MYT1: variants seen among roughly 807,000 people sequenced by gnomAD.
MYT1 encodes myelin transcription factor 1, also known as myelin transcription factor I.
Under a neutral mutation model 123.0 loss-of-function variants are expected in MYT1, and 23 were observed. The observed-to-expected ratio is 0.19, with a 90% CI of 0.13 to 0.26. The LOEUF (loss-of-function observed/expected upper bound fraction) is 0.26, where lower values mean the gene tolerates loss of function less well. Among genes scored for constraint, MYT1 ranks in the 10% least tolerant of loss-of-function variants. The probability of loss-of-function intolerance (pLI) is 1.00; values close to 1 mark genes in which losing one functional copy is unlikely to be tolerated. For synonymous variants in MYT1, 518 were observed against 575.3 expected, an observed-to-expected ratio of 0.90 and a Z score of 1.43; for missense variants, 1,125 against 1,472.5, an observed-to-expected ratio of 0.76 and a Z score of 3.86.
intron 1 of MYT1, among the ~76,000 whole-genome samples, chr20:64,177,980 C>T (rs555238629): frequency 2.4e-4 from 37 of 152,252 alleles, no homozygotes; most frequent in African/African-American, 7.0e-4. Flanking sequence ...GCTTTGGAAG[C>T]AGACTTGGCT....
At chr20:64,194,918 C>T (rs1192574604) in intron 2 of MYT1, among the ~76,000 whole-genome samples, 4 of 151,962 alleles carry the variant, frequency 2.6e-5, no homozygotes, top group African/African-American at 9.7e-5. Flanking sequence ...TTTTTTGAGA[C>T]GGAGTCTTGC....
At chr20:64,239,452 G>T (rs1476947311) in intron 21 of MYT1, among the ~76,000 whole-genome samples, 1 of 152,130 alleles carries the variant, frequency 6.6e-6, no homozygotes, top group African/African-American at 2.4e-5. Flanking sequence ...AAAACCAGGA[G>T]TGGGGACTTC....
Position 64,213,033 on chromosome 20 carries a change from C to G in MYT1, c.1518-501C>G, listed in dbSNP as rs1446379543. Among the ~76,000 whole-genome samples the G allele has an allele frequency of 3.3e-5, 5 of 152,196 alleles. No homozygotes were observed. Among genetic ancestry groups the G allele is most frequent in the African/African-American group, 1.2e-4 (5 of 41,456 alleles). ...ACAGATGAAGCTGCTGCCTCCGTGT[C>G]TTAGACTGAGTACTTTCCTGGGCCT... On this transcript the variant is annotated intron_variant, in intron 9 of 22. Coordinates refer to ENST00000328439, the MANE Select transcript of MYT1 (RefSeq NM_004535.3). This position sits in a 1 kb window ranked among gnomAD's most constrained non-coding sequence, Gnocchi z 5.6.
chr20:64,238,394 C>T (rs530101019), intron 21 of MYT1, among the ~76,000 whole-genome samples: 7 of 151,624 alleles, frequency 4.6e-5, no homozygotes, highest in African/African-American at 1.7e-4. Flanking sequence ...TACTGGCAAA[C>T]AGGCTCATGT....
intron 22 of MYT1, 130 bp from the exon 23 acceptor site, chr20:64,240,190 G>C (rs988655675): frequency 9.0e-6 from 12 of 1,334,350 alleles, no homozygotes; most frequent in African/African-American, 1.5e-5. Flanking sequence ...GGAACGCCCA[G>C]TGCTGCCTCT....
chr20:64,221,822 T>A, intron 13 of MYT1, 71 bp from the exon 14 acceptor site: 1 of 1,532,760 alleles, frequency 6.5e-7, no homozygotes, highest in Non-Finnish European at 8.9e-7. Context: ...TCCCTCTCCC[T>A]CGCCCACTGG....
intron 21 of MYT1, among the ~76,000 whole-genome samples, chr20:64,239,221 G>A (rs562876618): frequency 5.3e-5 from 8 of 152,350 alleles, no homozygotes; most frequent in South Asian, 4.1e-4. Context: ...TGGGGAAGTC[G>A]TGCTTGGGAG....
chr20:64,172,833 C>T (rs562807969), intron 1 of MYT1, among the ~76,000 whole-genome samples: 3 of 149,176 alleles, frequency 2.0e-5, no homozygotes, highest in Admixed American at 6.8e-5. Context: ...CTGCAACCTC[C>T]GCCTACTGGG....
chr20:64,205,134 CG>C lies in MYT1; in HGVS notation c.149+39del, dbSNP rs747754429. The C allele has an allele frequency of 1.9e-6, 3 of 1,608,416 alleles. No individual in the cohort carries two copies. The East Asian group carries it at 6.7e-5, about 36-fold the overall frequency. ...CTTGGATCTCACGGAGATTCCTGGG[CG>C]GTAGATTTGGAGCCCCTGCCCACTC... is the stretch of plus-strand genomic sequence containing the variant. On this transcript the variant is annotated intron_variant, in intron 5 of 22. Coordinates refer to ENST00000328439, the MANE Select transcript of MYT1 (RefSeq NM_004535.3).
rs1982095535 is a variant in MYT1, at chr20:64,166,768, T to G, written c.-99+2029T>G. On this transcript the variant is annotated intron_variant, in intron 1 of 22. Coordinates refer to ENST00000328439, the MANE Select transcript of MYT1 (RefSeq NM_004535.3). This position sits in a 1 kb window ranked among gnomAD's most constrained non-coding sequence, Gnocchi z 4.9. ...TCTGAGATGACCCCTTCTAGCCATG[T>G]GGGATGCAAAGTTGCTCTGGTCTGG... Among the ~76,000 whole-genome samples, 1 of 152,180 alleles carries G rather than the reference T, an allele frequency of 6.6e-6. No homozygotes were observed. The highest frequency in any genetic ancestry group is 2.4e-5 in the African/African-American group (1 of 41,452).
Position 64,239,889 on chromosome 20 carries a change from C to T in MYT1, c.3223C>T (p.Arg1075Cys), listed in dbSNP as rs778035195. The T allele has an allele frequency of 1.4e-5, 22 of 1,612,970 alleles. No homozygotes were observed. The highest frequency in any genetic ancestry group is 1.4e-5 in the Non-Finnish European group (17 of 1,180,032). The change falls in exon 22 of 23, where the codon CGC (arginine) becomes TGC (cysteine). Residue 1075 changes from arginine (R) to cysteine (C), a missense_variant. Transcript: ENST00000328439. ...CCTCATCCAAAGTCTCGCCAATATCCGCCTTCCGCACATGGTAGGCAGCAC... is the reference window on the plus strand; with the variant it reads ...CCTCATCCAAAGTCTCGCCAATATCTGCCTTCCGCACATGGTAGGCAGCAC... ...QALIQSLANIRLPHMEPICEQ... is the reference protein window; with the variant it reads ...QALIQSLANICLPHMEPICEQ...
In MYT1 at chr20:64,212,006, C is replaced by A; in HGVS notation, c.1427-42C>A. 6.4e-7 allele frequency: 1 copy of A among 1,555,798 alleles called. No homozygotes were observed. The highest frequency in any genetic ancestry group is 8.9e-7 in the Non-Finnish European group (1 of 1,128,662). On this transcript the variant is annotated intron_variant, in intron 8 of 22. Coordinates refer to ENST00000328439, the MANE Select transcript of MYT1 (RefSeq NM_004535.3). This position sits in a 1 kb window ranked among gnomAD's most constrained non-coding sequence, Gnocchi z 6.8. ...CCACACAGCTGGCGCTCCCCAGATT[C>A]TCTGACAGCCTCGGCTCCCTCCACC...
At chr20:64,225,402 C>T (rs932019875) in intron 16 of MYT1, among the ~76,000 whole-genome samples, 2 of 152,152 alleles carry the variant, frequency 1.3e-5, no homozygotes, top group Middle Eastern at 3.2e-3. Context: ...TAAGTGAATC[C>T]CAAGGGCGTT....
At position 64,168,484 on chromosome 20, in the gene MYT1, A is replaced by G. The variant is rs947494761; in HGVS notation, c.-99+3745A>G. Among the ~76,000 whole-genome samples, 1 of 152,220 alleles carries G rather than the reference A, an allele frequency of 6.6e-6. No individual in the cohort carries two copies. The highest frequency in any genetic ancestry group is 1.5e-5 in the Non-Finnish European group (1 of 68,022). ...AACGAAAGTAACTCAGCGTGCTTTA[A>G]TCTGCCCTGGCTGAGTACATCTGCC... On this transcript the variant is annotated intron_variant, in intron 1 of 22. Coordinates refer to ENST00000328439, the MANE Select transcript of MYT1 (RefSeq NM_004535.3). The surrounding 1 kb of genome is among the most constrained non-coding windows in gnomAD (Gnocchi z 6.1).
chr20:64,173,468 TCTCCTCCTGC>T (rs1982351112), intron 1 of MYT1, among the ~76,000 whole-genome samples: 1 of 148,394 alleles, frequency 6.7e-6, no homozygotes. Flanking sequence ...CTCCCTGACT[TCTCCTCCTGC>T]AGCATCCTTC....
In MYT1 at chr20:64,241,813, T is replaced by G. The variant is rs1221548665; in HGVS notation, c.*1365T>G. 1 of 152,642 alleles carries G rather than the reference T, an allele frequency of 6.6e-6. No individual in the cohort carries two copies. The highest frequency in any genetic ancestry group is 1.5e-5 in the Non-Finnish European group (1 of 68,044). 9.5% of individuals were successfully genotyped at this position (152,642 alleles called of 1,614,324 possible). ...TTTTATATATTTTGTTATTTATTCTTTTAATAATGGAATTTTTTTAAAAAG... is the reference window on the plus strand; with the variant it reads ...TTTTATATATTTTGTTATTTATTCTGTTAATAATGGAATTTTTTTAAAAAG... On this transcript the variant is annotated 3_prime_UTR_variant, in exon 23 of 23. Coordinates refer to ENST00000328439, the MANE Select transcript of MYT1 (RefSeq NM_004535.3). This position sits in a 1 kb window ranked among gnomAD's most constrained non-coding sequence, Gnocchi z 4.2.
intron 2 of MYT1, among the ~76,000 whole-genome samples, chr20:64,195,396 G>GTA (rs1555811462): frequency 8.8e-4 from 29 of 32,986 alleles, no homozygotes; most frequent in African/African-American, 2.3e-3. Context: ...GTGTGTGTGT[G>GTA]TATACTTTTT....
chr20:64,180,520 C>T (rs1982623504), intron 1 of MYT1, among the ~76,000 whole-genome samples: 1 of 152,244 alleles, frequency 6.6e-6, no homozygotes, highest in African/African-American at 2.4e-5. Flanking sequence ...AGGCCAACCT[C>T]TGGGTCGCCA....
rs900572231 is a variant in MYT1 at position 64,168,541 on chromosome 20, GGA to G, written c.-99+3808_-99+3809del. On this transcript the variant is annotated intron_variant, in intron 1 of 22. Coordinates refer to ENST00000328439, the MANE Select transcript of MYT1 (RefSeq NM_004535.3). This position sits in a 1 kb window ranked among gnomAD's most constrained non-coding sequence, Gnocchi z 6.1. ...AGGATTGGAGTCCAGGCCTTGCAGA[GGA>G]GAGAGGATGTCGACACAGCTGTGGG... Among the ~76,000 whole-genome samples, 4 of 152,230 alleles carry G rather than the reference GGA, an allele frequency of 2.6e-5. No individual in the cohort carries two copies. Among genetic ancestry groups the G allele is most frequent in the Non-Finnish European group, 5.9e-5 (4 of 68,050 alleles).
Sources: gnomAD v4.1 joint callset for allele counts (sites outside exome capture counted in the v4.1 genomes callset) on GRCh38, gnomAD v4.1.1 for gene constraint, Gnocchi (gnomAD v3.1) non-coding constraint, MANE v1.5 for transcripts, NCBI Gene and HGNC (gene_info 2026-07-23, HGNC 2026-07-21) for gene names.